Variants in LAMA3 observed in about 807,000 individuals in gnomAD.
LAMA3 encodes laminin subunit alpha 3.
LAMA3 carries 281 observed loss-of-function variants against 402.0 expected under a neutral mutation model. The observed-to-expected ratio is 0.70, with a 90% confidence interval of 0.63 to 0.77. The LOEUF is 0.77. LAMA3 is among the 30% of genes least tolerant of loss of function. The pLI, the probability that LAMA3 is intolerant of heterozygous loss-of-function variation, is 0.00. For synonymous variants in LAMA3, 1,431 were observed against 1,558.4 expected (o/e 0.92, Z 1.93); for missense variants, 3,840 against 4,215.5 (o/e 0.91, Z 2.47).
chr18:23,944,822 T>C (rs2082648564), intron 69 of LAMA3, among the ~76,000 whole-genome samples: 1 of 152,228 alleles, frequency 6.6e-6, no homozygotes, highest in African/African-American at 2.4e-5. Flanking sequence ...TGAAAGTGTC[T>C]GTAAAGCTTT....
Position 23,816,436 on chromosome 18 carries a change from C to T in LAMA3, c.2096C>T (p.Pro699Leu), listed in dbSNP as rs771983608. The T allele has an allele frequency of 3.3e-5, 53 of 1,613,896 alleles. No homozygotes were observed. The highest frequency in any genetic ancestry group is 4.4e-5 in the Non-Finnish European group (52 of 1,180,012). Residue 699 changes from proline to leucine, a missense_variant, in exon 18 of 75, where the codon CCC becomes CTC. By Grantham distance (98) the Pro-to-Leu change is moderately conservative. This residue lies in a region of LAMA3 where 2,109 missense variants were observed against 2,376.0 expected (regional missense o/e 0.89). Transcript: ENST00000313654. ...GCATTGTCCTCCATGTGCAGTGGGC[C>T]CTCGGGAGTGTGCCAGTGCCGAGAG... ...GGALSSMCSG[P>L]SGVCQCREHV...
At chr18:23,690,894 T>G (rs1394844786) in intron 1 of LAMA3, among the ~76,000 whole-genome samples, 3 of 145,154 alleles carry the variant, frequency 2.1e-5, no homozygotes, top group African/African-American at 8.1e-5. Flanking sequence ...TTTATTTATT[T>G]ATTTATTTAT....
intron 8 of LAMA3, among the ~76,000 whole-genome samples, chr18:23,772,073 G>T (rs781191280): frequency 1.2e-4 from 17 of 136,562 alleles, no homozygotes; most frequent in Non-Finnish European, 2.6e-4. Context: ...ACGGAGTCTT[G>T]CTCTGTCACC....
At position 23,737,811 on chromosome 18, in the gene LAMA3, G is replaced by A. The variant is rs1326681888; in HGVS notation, c.448-10132G>A. Among the ~76,000 whole-genome samples the A allele has an allele frequency of 3.9e-5, 6 of 152,364 alleles. No individual in the cohort carries two copies. In the East Asian group the frequency reaches 9.6e-4, roughly 24 times the overall value. ...ACAAGGCCACGTGCATTCTAGACTT[G>A]ACTATTTAATCACTCTTGTGAGGAG... On this transcript the variant is annotated intron_variant, in intron 2 of 74. Coordinates refer to ENST00000313654, the MANE Select transcript of LAMA3 (RefSeq NM_198129.4).
intron 66 of LAMA3, chr18:23,932,513 A>T: frequency 2.1e-6 from 1 of 483,372 alleles, no homozygotes; most frequent in Non-Finnish European, 3.8e-6. Flanking sequence ...GTTAGCATGT[A>T]ACCTTGGAAA....
At chr18:23,727,669 A>G (rs981204047) in intron 2 of LAMA3, among the ~76,000 whole-genome samples, 1 of 152,002 alleles carries the variant, frequency 6.6e-6, no homozygotes, top group Non-Finnish European at 1.5e-5. Flanking sequence ...CTGGACCAGC[A>G]CTGGTCCATG....
intron 25 of LAMA3, among the ~76,000 whole-genome samples, chr18:23,838,477 G>T (rs1389494601): frequency 2.0e-5 from 3 of 152,148 alleles, no homozygotes; most frequent in African/African-American, 7.2e-5. Flanking sequence ...AAAAAAACAG[G>T]CACTGGAAGT....
chr18:23,877,466 T>TAC (rs2064759684), intron 39 of LAMA3, among the ~76,000 whole-genome samples: 2 of 152,186 alleles, frequency 1.3e-5, no homozygotes, highest in South Asian at 4.1e-4. Flanking sequence ...ACTCCAGGAA[T>TAC]ACAGGGCTTC....
intron 1 of LAMA3, among the ~76,000 whole-genome samples, chr18:23,693,154 G>A (rs1331500184): frequency 6.6e-6 from 1 of 152,138 alleles, no homozygotes; most frequent in Non-Finnish European, 1.5e-5. Context: ...GACCAGCTTG[G>A]CCAGCATGGT....
chr18:23,792,508 C>T (rs1228738519), intron 12 of LAMA3, among the ~76,000 whole-genome samples: 1 of 152,168 alleles, frequency 6.6e-6, no homozygotes, highest in Non-Finnish European at 1.5e-5. Flanking sequence ...AGGAATCCAC[C>T]CCCATGACCC....
intron 12 of LAMA3, among the ~76,000 whole-genome samples, chr18:23,804,989 T>A (rs2144226132): frequency 6.6e-6 from 1 of 152,296 alleles, no homozygotes; most frequent in African/African-American, 2.4e-5. Context: ...CCAATTAAAT[T>A]TCTTTTCTTC....
chr18:23,695,536 T>C (rs2060667704), intron 1 of LAMA3, among the ~76,000 whole-genome samples: 1 of 152,080 alleles, frequency 6.6e-6, no homozygotes, highest in East Asian at 1.9e-4. Context: ...TGAGTCATCC[T>C]TAAGGCCAGG....
intron 44 of LAMA3, among the ~76,000 whole-genome samples, chr18:23,897,791 G>C (rs940515289): frequency 6.6e-6 from 1 of 152,126 alleles, no homozygotes; most frequent in Non-Finnish European, 1.5e-5. Flanking sequence ...GAAAGATTAC[G>C]TATAAGAAGG....
intron 12 of LAMA3, among the ~76,000 whole-genome samples, chr18:23,808,385 G>A (rs1442677258): frequency 1.3e-5 from 2 of 151,914 alleles, no homozygotes; most frequent in Non-Finnish European, 2.9e-5. Flanking sequence ...TTTTTTAGTT[G>A]TGTATTTTTC....
chr18:23,855,302 C>A (rs2064047881), intron 32 of LAMA3, among the ~76,000 whole-genome samples: 1 of 152,230 alleles, frequency 6.6e-6, no homozygotes, highest in Non-Finnish European at 1.5e-5. Flanking sequence ...TCCTTCACTG[C>A]CAGGAAAAGA....
intron 1 of LAMA3, among the ~76,000 whole-genome samples, chr18:23,693,012 A>C (rs928601061): frequency 1.3e-5 from 2 of 152,170 alleles, no homozygotes; most frequent in Non-Finnish European, 2.9e-5. Flanking sequence ...TTATATATGC[A>C]TTTGTCTTCT....
chr18:23,771,485 A>G (rs1436925017), intron 8 of LAMA3, among the ~76,000 whole-genome samples: 2 of 152,356 alleles, frequency 1.3e-5, no homozygotes, highest in Non-Finnish European at 2.9e-5. Context: ...AAGGAATTGG[A>G]TTTCACAGAT....
intron 7 of LAMA3, among the ~76,000 whole-genome samples, chr18:23,759,116 A>T (rs1039633912): frequency 6.6e-6 from 1 of 150,918 alleles, no homozygotes; most frequent in African/African-American, 2.4e-5. Flanking sequence ...AGGTGGGAGG[A>T]TTGCTTGAGG....
intron 20 of LAMA3, among the ~76,000 whole-genome samples, chr18:23,822,761 C>T (rs2063311039): frequency 6.6e-6 from 1 of 152,144 alleles, no homozygotes; most frequent in Non-Finnish European, 1.5e-5. Context: ...TGTTTCAAAC[C>T]AACCAAATAG....
Sources: gnomAD v4.1 joint callset for allele counts (sites outside exome capture counted in the v4.1 genomes callset) on GRCh38, gnomAD v4.1.1 for gene constraint, gnomAD v4.1.1 regional missense constraint, MANE v1.5 for transcripts, NCBI Gene and HGNC (gene_info 2026-07-23, HGNC 2026-07-21) for gene names.